The following GDAP2 variants were observed in gnomAD, a reference collection of about 807,000 sequenced individuals.
GDAP2 encodes ganglioside-induced differentiation-associated protein 2.
In GDAP2, 51 loss-of-function variants were observed where a neutral mutation model predicts 67.0. The observed-to-expected ratio is 0.76, with a 90% confidence interval of 0.61 to 0.96. The LOEUF (loss-of-function observed/expected upper bound fraction) is 0.96. Ranked by LOEUF, GDAP2 falls within the 40% of genes least tolerant of loss-of-function variation. The pLI is 0.00. For missense variants in GDAP2, 547 were observed against 588.3 expected (o/e 0.93, Z 0.73); for synonymous variants, 203 against 207.3 (o/e 0.98, Z 0.18).
intron 13 of GDAP2, among the ~76,000 whole-genome samples, chr1:117,873,846 T>A (rs1159057611): frequency 6.6e-6 from 1 of 152,166 alleles, no homozygotes; most frequent in Non-Finnish European, 1.5e-5. Flanking sequence ...TTTCTAAATA[T>A]CTCTAAAATC....
rs748722344 is a variant in GDAP2, at chr1:117,883,665, T to G, written c.1108-38A>C. 47 of 1,488,250 alleles carry G rather than the reference T, an allele frequency of 3.2e-5. No individual in the cohort carries two copies. In the African/African-American group the frequency reaches 6.0e-4, roughly 19 times the overall value. The allele number at this position is 1,488,250 out of a possible 1,614,324, so 92.2% of individuals were successfully genotyped here. ...AGGGGAATAAAGGTGAAGATCATTT[T>G]GAACAGTAGTCTATTTCACAGAGAC... On this transcript the variant is annotated intron_variant, in intron 10 of 13. Transcript: ENST00000369443.
intron 7 of GDAP2, among the ~76,000 whole-genome samples, chr1:117,898,640 C>A (rs1480776833): frequency 6.6e-6 from 1 of 152,178 alleles, no homozygotes; most frequent in East Asian, 1.9e-4. Flanking sequence ...CTCCAACCTA[C>A]AACAGTATAT....
chr1:117,873,190 T>C (rs1648346963), intron 13 of GDAP2, among the ~76,000 whole-genome samples: 1 of 152,186 alleles, frequency 6.6e-6, no homozygotes, highest in Non-Finnish European at 1.5e-5. Context: ...ATCATAGAAA[T>C]TTTAAGAATT....
rs1219749423 is a variant in GDAP2 at position 117,896,905 on chromosome 1, A to G, written c.881T>C (p.Ile294Thr). The change falls in exon 8 of 14, where the codon ATT becomes ACT. Residue 294 changes from isoleucine to threonine, a missense_variant. By Grantham distance (89) the Ile-to-Thr change is moderately conservative (BLOSUM62 -1). Coordinates refer to ENST00000369443, the MANE Select transcript of GDAP2 (RefSeq NM_017686.4). ...AAGGATCAGTTTTCTTTGCTTGTCA[A>G]TATCTCCTTCCATTCGAGCAAAAGC... is the stretch of plus-strand genomic sequence containing the variant. ...SHAFARMEGDIDKQRKLILQG... is the reference protein window; with the variant it reads ...SHAFARMEGDTDKQRKLILQG... 4 of 1,612,398 alleles carry G rather than the reference A, an allele frequency of 2.5e-6. No individual in the cohort carries two copies. Among genetic ancestry groups the G allele is most frequent in the Admixed American group, 3.3e-5 (2 of 59,954 alleles).
intron 12 of GDAP2, among the ~76,000 whole-genome samples, chr1:117,878,904 G>C (rs1197101855): frequency 6.6e-6 from 1 of 152,194 alleles, no homozygotes; most frequent in African/African-American, 2.4e-5. Context: ...AGTCCTATGA[G>C]GCAGGTATGA....
intron 8 of GDAP2, among the ~76,000 whole-genome samples, chr1:117,896,460 T>C (rs1054212292): frequency 6.6e-6 from 1 of 152,230 alleles, no homozygotes; most frequent in Non-Finnish European, 1.5e-5. Flanking sequence ...AATTCAACTG[T>C]AGATTATGCT....
At chr1:117,888,922 A>G (rs1214188235) in intron 8 of GDAP2, among the ~76,000 whole-genome samples, 1 of 152,184 alleles carries the variant, frequency 6.6e-6, no homozygotes, top group Admixed American at 6.5e-5. Context: ...ACTGAAATCA[A>G]CAAGTGACAT....
chr1:117,916,609 G>C (rs953671195), intron 3 of GDAP2, among the ~76,000 whole-genome samples: 3 of 152,202 alleles, frequency 2.0e-5, no homozygotes, highest in African/African-American at 7.2e-5. Flanking sequence ...AATGATGGTT[G>C]CATATGCTAG....
At chr1:117,921,791 G>T (rs1650263644) in intron 1 of GDAP2, among the ~76,000 whole-genome samples, 1 of 151,922 alleles carries the variant, frequency 6.6e-6, no homozygotes, top group African/African-American at 2.4e-5. Context: ...CTGAGATGGG[G>T]CAAGAGTAGA....
chr1:117,929,558 G>C lies in GDAP2; in HGVS notation c.-178C>G, dbSNP rs1480849614. ...TCAGCAGGAGCGCGCCGAGTACGGC[G>C]AGTCAAAGTCCCAGGAGACTGGAGT... On this transcript the variant is annotated 5_prime_UTR_variant, in exon 1 of 14. Transcript: ENST00000369443. 6.6e-6 allele frequency: 1 copy of C among 152,444 alleles called. No homozygotes were observed. The highest frequency in any genetic ancestry group is 1.5e-5 in the Non-Finnish European group (1 of 68,214). The allele number at this position is 152,444 out of a possible 1,614,324, so 9.4% of individuals were successfully genotyped here.
In GDAP2 at chr1:117,867,418, G is replaced by A. The variant is rs1648106322; in HGVS notation, c.*3151C>T. 1 of 151,634 alleles carries A rather than the reference G, an allele frequency of 6.6e-6. No individual in the cohort carries two copies. The highest frequency in any genetic ancestry group is 2.4e-5 in the African/African-American group (1 of 41,198). 9.4% of individuals were successfully genotyped at this position (151,634 alleles called of 1,614,324 possible). ...AAAAAGGAAATACAGGATGGGCACG[G>A]TGGCTCATACTGGTAAGCCCAACAC... is the stretch of plus-strand genomic sequence containing the variant. On this transcript the variant is annotated 3_prime_UTR_variant, in exon 14 of 14. Transcript: ENST00000369443.
At chr1:117,885,168 T>TTTTATTATTC (rs1236918295) in intron 10 of GDAP2, among the ~76,000 whole-genome samples, 5 of 152,098 alleles carry the variant, frequency 3.3e-5, no homozygotes, top group African/African-American at 1.2e-4. Context: ...GTGTGCATAT[T>TTTTATTATTC]TTTATTATTC....
At chr1:117,928,451 A>C (rs1335596442) in intron 1 of GDAP2, among the ~76,000 whole-genome samples, 2 of 152,196 alleles carry the variant, frequency 1.3e-5, no homozygotes, top group Admixed American at 1.3e-4. Flanking sequence ...CCTGTCAGGG[A>C]TATTAACCAT....
chr1:117,928,761 C>T (rs937673481), intron 1 of GDAP2, among the ~76,000 whole-genome samples: 2 of 152,210 alleles, frequency 1.3e-5, no homozygotes, highest in African/African-American at 4.8e-5. Context: ...CCGGCAGGAT[C>T]TTCTTTTGTA....
At chr1:117,881,940 T>C in intron 11 of GDAP2, 63 bp from the exon 12 acceptor site, 2 of 825,330 alleles carry the variant, frequency 2.4e-6, no homozygotes, top group Non-Finnish European at 4.3e-6. Flanking sequence ...CCAATTACTA[T>C]TATAGACTAT....
intron 7 of GDAP2, 89 bp downstream of exon 7, chr1:117,898,968 G>A (rs1164191185): frequency 1.5e-5 from 14 of 939,498 alleles, no homozygotes; most frequent in African/African-American, 6.5e-5. Context: ...CTTTCCAAAG[G>A]TCAAGCTGAA....
chr1:117,921,688 T>C (rs1432054466), intron 1 of GDAP2, among the ~76,000 whole-genome samples: 1 of 152,202 alleles, frequency 6.6e-6, no homozygotes, highest in Non-Finnish European at 1.5e-5. Context: ...TTAGATCTTA[T>C]TCTAAATATG....
chr1:117,874,277 T>C (rs897243765), intron 13 of GDAP2, among the ~76,000 whole-genome samples: 2 of 152,198 alleles, frequency 1.3e-5, no homozygotes, highest in African/African-American at 4.8e-5. Context: ...GGTGCTGTCC[T>C]TGTGGTAATA....
chr1:117,916,907 A>G (rs1650063916), intron 3 of GDAP2, among the ~76,000 whole-genome samples: 1 of 152,042 alleles, frequency 6.6e-6, no homozygotes, highest in African/African-American at 2.4e-5. Flanking sequence ...GGTGGCACAC[A>G]CCTGTAGTCC....
Sources: gnomAD v4.1 joint callset for allele counts (sites outside exome capture counted in the v4.1 genomes callset) on GRCh38, gnomAD v4.1.1 for gene constraint, MANE v1.5 for transcripts, NCBI Gene and HGNC (gene_info 2026-07-23, HGNC 2026-07-21) for gene names.